Variants in GALNTL6 observed in about 807,000 individuals in gnomAD.
GALNTL6 encodes polypeptide N-acetylgalactosaminyltransferase-like 6.
GALNTL6 carries 46 observed loss-of-function variants against 73.7 expected under a neutral mutation model. The ratio of observed to expected loss-of-function variants is 0.62; its 90% confidence interval spans 0.49 to 0.80. The LOEUF (loss-of-function observed/expected upper bound fraction) is 0.80, where lower values mean the gene tolerates loss of function less well. Among genes scored for constraint, GALNTL6 ranks in the 30% least tolerant of loss-of-function variants. GALNTL6 has a pLI of 0.00. For synonymous variants in GALNTL6, 259 were observed against 263.7 expected (o/e 0.98, Z 0.17); for missense variants, 604 against 755.0 (o/e 0.80, Z 2.34).
intron 5 of GALNTL6, among the ~76,000 whole-genome samples, chr4:172,588,387 A>G (rs1420327439): frequency 6.6e-6 from 1 of 152,088 alleles, no homozygotes; most frequent in Non-Finnish European, 1.5e-5. Flanking sequence ...TGAGGCCAGG[A>G]TTTCGAGACC....
At chr4:172,422,262 C>A (rs559162020) in intron 5 of GALNTL6, among the ~76,000 whole-genome samples, 1 of 152,182 alleles carries the variant, frequency 6.6e-6, no homozygotes, top group South Asian at 2.1e-4. Context: ...TAAATGAGGC[C>A]TTTGCCCTCA....
chr4:172,776,048 T>C (rs1409188214), intron 5 of GALNTL6, among the ~76,000 whole-genome samples: 2 of 152,166 alleles, frequency 1.3e-5, no homozygotes, highest in African/African-American at 2.4e-5. Context: ...GATACCTTGA[T>C]TGCAGTCACG....
At chr4:172,983,482 G>A (rs1327607898) in intron 10 of GALNTL6, among the ~76,000 whole-genome samples, 4 of 152,160 alleles carry the variant, frequency 2.6e-5, no homozygotes, top group African/African-American at 4.8e-5. Context: ...ATCATTTGAG[G>A]TCAGGAGTTT....
chr4:172,661,136 G>A (rs1731345421), intron 5 of GALNTL6, among the ~76,000 whole-genome samples: 1 of 152,144 alleles, frequency 6.6e-6, no homozygotes, highest in Non-Finnish European at 1.5e-5. Context: ...TAAATTACTG[G>A]ACTTTGACTA....
At chr4:171,877,871 A>G (rs888995674) in intron 2 of GALNTL6, among the ~76,000 whole-genome samples, 2 of 152,220 alleles carry the variant, frequency 1.3e-5, no homozygotes, top group African/African-American at 4.8e-5. Flanking sequence ...CACTAATAAA[A>G]TGACTGCAAA....
chr4:172,281,245 C>T (rs1290066704), intron 3 of GALNTL6, among the ~76,000 whole-genome samples: 1 of 152,148 alleles, frequency 6.6e-6, no homozygotes, highest in Non-Finnish European at 1.5e-5. Context: ...GGATCAGCAG[C>T]GCTGCATTTC....
chr4:171,950,361 G>C (rs1364548449), intron 2 of GALNTL6, among the ~76,000 whole-genome samples: 1 of 152,034 alleles, frequency 6.6e-6, no homozygotes, highest in Non-Finnish European at 1.5e-5. Flanking sequence ...AGTTAACGTA[G>C]GTTAAAAAAG....
chr4:172,323,344 C>T (rs1192062766), intron 4 of GALNTL6, among the ~76,000 whole-genome samples: 2 of 151,968 alleles, frequency 1.3e-5, no homozygotes, highest in Admixed American at 6.6e-5. Flanking sequence ...CTGACATGGG[C>T]AAGATTAGAA....
intron 7 of GALNTL6, among the ~76,000 whole-genome samples, chr4:172,829,734 G>A (rs1484782602): frequency 1.3e-5 from 2 of 152,104 alleles, no homozygotes; most frequent in African/African-American, 4.8e-5. Flanking sequence ...TTGCTTCTTG[G>A]TATCTAAAAG....
At chr4:172,666,483 C>A (rs1731672686) in intron 5 of GALNTL6, among the ~76,000 whole-genome samples, 1 of 152,102 alleles carries the variant, frequency 6.6e-6, no homozygotes, top group South Asian at 2.1e-4. Flanking sequence ...CCCAAAATCT[C>A]ACACAAAGAC....
At chr4:172,640,522 A>G (rs576795137) in intron 5 of GALNTL6, among the ~76,000 whole-genome samples, 5 of 152,244 alleles carry the variant, frequency 3.3e-5, no homozygotes, top group African/African-American at 1.2e-4. Context: ...TAAGGCTGGA[A>G]GTCCCAGATC....
chr4:172,481,108 T>C (rs577556258), intron 5 of GALNTL6, among the ~76,000 whole-genome samples: 6 of 152,254 alleles, frequency 3.9e-5, no homozygotes, highest in Admixed American at 6.5e-5. Context: ...TTACTTCTGA[T>C]GTTTGGACGT....
At chr4:171,931,719 T>A (rs1355302726) in intron 2 of GALNTL6, among the ~76,000 whole-genome samples, 1 of 152,210 alleles carries the variant, frequency 6.6e-6, no homozygotes, top group Admixed American at 6.5e-5. Flanking sequence ...AACATGATAG[T>A]TAAGAGGATG....
chr4:172,832,293 A>G (rs1358099125), intron 7 of GALNTL6, among the ~76,000 whole-genome samples: 2 of 152,226 alleles, frequency 1.3e-5, no homozygotes, highest in Admixed American at 1.3e-4. Flanking sequence ...ACTTACTCCC[A>G]GATCATCAAC....
intron 2 of GALNTL6, among the ~76,000 whole-genome samples, chr4:172,108,050 C>CT (rs1560926317): frequency 6.6e-6 from 1 of 152,152 alleles, no homozygotes; most frequent in Non-Finnish European, 1.5e-5. Flanking sequence ...AATATTCCTA[C>CT]TTATTCATGC....
intron 9 of GALNTL6, among the ~76,000 whole-genome samples, chr4:172,933,343 G>A (rs1748451503): frequency 6.6e-6 from 1 of 151,988 alleles, no homozygotes; most frequent in South Asian, 2.1e-4. Context: ...GGAATGCTGT[G>A]CTGATCCAAA....
chr4:172,254,137 G>A (rs1353220502), intron 3 of GALNTL6, among the ~76,000 whole-genome samples: 4 of 151,666 alleles, frequency 2.6e-5, no homozygotes, highest in African/African-American at 9.7e-5. Context: ...TGCTAAAAAC[G>A]GCTACTGTTA....
At chr4:171,880,432 C>T (rs1560824331) in intron 2 of GALNTL6, among the ~76,000 whole-genome samples, 1 of 152,176 alleles carries the variant, frequency 6.6e-6, no homozygotes, top group Non-Finnish European at 1.5e-5. Flanking sequence ...TTATTCTGCT[C>T]TTCACTATAT....
chr4:172,001,022 C>G (rs1252055268), intron 2 of GALNTL6, among the ~76,000 whole-genome samples: 3 of 152,124 alleles, frequency 2.0e-5, no homozygotes, highest in Non-Finnish European at 2.9e-5. Flanking sequence ...GTGTTACATT[C>G]TATCAGTCTG....
Sources: allele counts gnomAD v4.1 joint callset (sites outside exome capture counted in the v4.1 genomes callset), GRCh38; gene constraint gnomAD v4.1.1; transcripts MANE v1.5; gene names NCBI Gene and HGNC (gene_info 2026-07-23, HGNC 2026-07-21).